The following ISM1 variants were observed in gnomAD, a reference collection of about 807,000 sequenced individuals.
ISM1 encodes the protein isthmin 1.
ISM1 carries 25 observed loss-of-function variants against 46.3 expected under a neutral mutation model. The observed-to-expected ratio is 0.54, with a 90% confidence interval of 0.39 to 0.75. The LOEUF (loss-of-function observed/expected upper bound fraction) is 0.75. Among genes scored for constraint, ISM1 ranks in the 30% least tolerant of loss-of-function variants. The pLI is 0.00. For missense variants in ISM1, 536 were observed against 625.4 expected (o/e 0.86, Z 1.52); for synonymous variants, 255 against 256.7 (o/e 0.99, Z 0.06).
chr20:13,290,684 G>A (rs1001279152), intron 4 of ISM1, among the ~76,000 whole-genome samples: 14 of 152,032 alleles, frequency 9.2e-5, no homozygotes, highest in Non-Finnish European at 1.9e-4. Flanking sequence ...GAAAGAAAAT[G>A]AAGATAAAGG....
chr20:13,267,663 A>G (rs1053429607), intron 1 of ISM1, among the ~76,000 whole-genome samples: 1 of 152,212 alleles, frequency 6.6e-6, no homozygotes, highest in African/African-American at 2.4e-5. Flanking sequence ...AGTCACATCA[A>G]TCAATCAATC....
intron 4 of ISM1, among the ~76,000 whole-genome samples, chr20:13,290,101 C>T (rs1043677767): frequency 6.6e-5 from 10 of 152,150 alleles, no homozygotes; most frequent in Non-Finnish European, 1.5e-4. Flanking sequence ...CAAGAAGTGG[C>T]GGTTCTGGCT....
chr20:13,310,106 G>A, the ISM1 span, among the ~76,000 whole-genome samples: 1 of 152,046 alleles, frequency 6.6e-6, no homozygotes, highest in Admixed American at 6.6e-5. Context: ...AATTCATATG[G>A]AAGCACAAAA....
At chr20:13,247,517 G>GGGGTGTGTGTGTGTGTGTGT (rs1183213178) in intron 1 of ISM1, among the ~76,000 whole-genome samples, 1 of 139,806 alleles carries the variant, frequency 7.2e-6, no homozygotes, top group African/African-American at 2.7e-5. Context: ...CAAAGTGAGG[G>GGGGTGTGTGTGTGTGTGTGT]GTGTGTGTGT....
chr20:13,294,876 G>T (rs1473615633), intron 5 of ISM1, among the ~76,000 whole-genome samples: 6 of 152,128 alleles, frequency 3.9e-5, no homozygotes, highest in Admixed American at 1.3e-4. Context: ...GCACAGCAAG[G>T]TAAAATACCT....
chr20:13,277,958 G>T (rs11907013), intron 2 of ISM1, among the ~76,000 whole-genome samples: 3,042 of 152,232 alleles, frequency 0.02, 85 homozygotes, highest in African/African-American at 0.067. Flanking sequence ...AAAGGAAGGG[G>T]TTATTTGTCT....
chr20:13,262,687 C>G (rs1417618701), intron 1 of ISM1, among the ~76,000 whole-genome samples: 1 of 152,164 alleles, frequency 6.6e-6, no homozygotes, highest in East Asian at 1.9e-4. Flanking sequence ...TTTTCAAGAT[C>G]AAAGCAGTTT....
chr20:13,223,156 C>CAAAA (rs369659111), intron 1 of ISM1, among the ~76,000 whole-genome samples: 2 of 120,122 alleles, frequency 1.7e-5, no homozygotes, highest in African/African-American at 6.6e-5. Flanking sequence ...GACTCCGTCT[C>CAAAA]AAAAAAAAAA....
chr20:13,265,264 C>A (rs558332863), intron 1 of ISM1, among the ~76,000 whole-genome samples: 1 of 152,130 alleles, frequency 6.6e-6, no homozygotes, highest in African/African-American at 2.4e-5. Context: ...CGTTTACAAG[C>A]CTTTTTTATT....
At chr20:13,258,393 C>T (rs1164085062) in intron 1 of ISM1, among the ~76,000 whole-genome samples, 3 of 152,130 alleles carry the variant, frequency 2.0e-5, no homozygotes, top group African/African-American at 4.8e-5. Context: ...TTTACTGGCC[C>T]TGGATACTAG....
chr20:13,317,411 C>A, the ISM1 span, among the ~76,000 whole-genome samples: 1 of 151,916 alleles, frequency 6.6e-6, no homozygotes, highest in African/African-American at 2.4e-5. Flanking sequence ...AAAATCCCAA[C>A]AAGTTATTTC....
intron 3 of ISM1, among the ~76,000 whole-genome samples, chr20:13,282,898 T>C (rs911980449): frequency 1.3e-5 from 2 of 152,228 alleles, no homozygotes; most frequent in Admixed American, 6.5e-5. Flanking sequence ...ACGCCCATTG[T>C]AGGTGCTCAG....
At chr20:13,263,732 A>G (rs765631269) in intron 1 of ISM1, among the ~76,000 whole-genome samples, 5 of 152,228 alleles carry the variant, frequency 3.3e-5, no homozygotes, top group Admixed American at 2.0e-4. Context: ...TGGGTGCAGT[A>G]TGGCTTCCTT....
chr20:13,304,976 G>C (rs1247784431), downstream of ISM1, among the ~76,000 whole-genome samples: 1 of 151,986 alleles, frequency 6.6e-6, no homozygotes, highest in Non-Finnish European at 1.5e-5. Context: ...CCCAAACCAA[G>C]ACATCACTTC....
intron 2 of ISM1, among the ~76,000 whole-genome samples, chr20:13,273,769 G>C (rs932591987): frequency 6.6e-6 from 1 of 152,118 alleles, no homozygotes; most frequent in African/African-American, 2.4e-5. Context: ...ATCAAAAAGA[G>C]TAAGCCAACA....
At chr20:13,262,749 C>T (rs243906) in intron 1 of ISM1, among the ~76,000 whole-genome samples, 11,129 of 147,948 alleles carry the variant, frequency 0.075, 545 homozygotes, top group East Asian at 0.18. Context: ...TTTTGTCAGC[C>T]GGCCCCAAGA....
chr20:13,240,420 G>A (rs1386031202), intron 1 of ISM1, among the ~76,000 whole-genome samples: 1 of 152,160 alleles, frequency 6.6e-6, no homozygotes, highest in Non-Finnish European at 1.5e-5. Flanking sequence ...GGGAATAAAA[G>A]GACCAGCTCT....
At position 13,240,894 on chromosome 20, in the gene ISM1, A is replaced by T. The variant is rs115106801; in HGVS notation, c.138+18980A>T. 3.3e-3 allele frequency among the ~76,000 whole-genome samples: 500 copies of T among 152,258 alleles called. 1 individual carries two copies. Among genetic ancestry groups the T allele is most frequent in the African/African-American group, 0.011 (454 of 41,546 alleles). On this transcript the variant is annotated intron_variant, in intron 1 of 5. Transcript: ENST00000262487. ...GTTTCACAAGGGTAGAGTTCATGTC[A>T]GTGGATTTATATGGGACATGTGGAA...
chr20:13,266,167 C>G (rs1247320826), intron 1 of ISM1, among the ~76,000 whole-genome samples: 1 of 152,112 alleles, frequency 6.6e-6, no homozygotes, highest in Non-Finnish European at 1.5e-5. Flanking sequence ...GTAGTTTTTG[C>G]CAGGTCCACA....
Sources: allele counts gnomAD v4.1 joint callset (sites outside exome capture counted in the v4.1 genomes callset), GRCh38; gene constraint gnomAD v4.1.1; transcripts MANE v1.5; gene names NCBI Gene and HGNC (gene_info 2026-07-23, HGNC 2026-07-21).